PIWIL4: variants seen among roughly 807,000 people sequenced by gnomAD.
PIWIL4 encodes the protein piwi-like protein 4.
Under a neutral mutation model 100.9 loss-of-function variants are expected in PIWIL4, and 50 were observed. The ratio of observed to expected loss-of-function variants is 0.50; its 90% CI spans 0.39 to 0.63. PIWIL4 has a LOEUF of 0.63. Ranked by LOEUF, PIWIL4 falls within the 20% of genes least tolerant of loss-of-function variation. PIWIL4 has a pLI of 0.00. For synonymous variants in PIWIL4, 342 were observed against 367.5 expected (o/e 0.93, Z 0.79); for missense variants, 887 against 1,043.3 (o/e 0.85, Z 2.06).
intron 10 of PIWIL4, among the ~76,000 whole-genome samples, chr11:94,596,998 C>A (rs1457788072): frequency 5.9e-5 from 9 of 152,192 alleles, no homozygotes; most frequent in Non-Finnish European, 1.2e-4. Flanking sequence ...GCCTGGCTTA[C>A]TGTGTGCTGA....
At chr11:94,593,421 T>C in intron 8 of PIWIL4, 97 bp from the exon 9 acceptor site, 1 of 1,246,514 alleles carries the variant, frequency 8.0e-7, no homozygotes, top group South Asian at 1.5e-5. Flanking sequence ...TAGATTTATT[T>C]ATATATTAAT....
intron 13 of PIWIL4, among the ~76,000 whole-genome samples, chr11:94,606,496 AG>A (rs1010424693): frequency 3.4e-4 from 52 of 152,312 alleles, no homozygotes; most frequent in African/African-American, 1.2e-3. Context: ...GATGAGAAGG[AG>A]GCGGAGGTAG....
At position 94,578,501 on chromosome 11, in the gene PIWIL4, C is replaced by T. The variant is rs1948271614; in HGVS notation, c.513+1009C>T. Among the ~76,000 whole-genome samples, 3 of 152,286 alleles carry T rather than the reference C, an allele frequency of 2.0e-5. No individual in the cohort carries two copies. In the South Asian group the frequency reaches 6.2e-4, roughly 32 times the overall value. On this transcript the variant is annotated intron_variant, in intron 4 of 19. Coordinates refer to ENST00000299001, the MANE Select transcript of PIWIL4 (RefSeq NM_152431.3). Reference sequence around the variant, plus strand: ...CTTGCAAATCTGTATAGATGGTCTGCAGCAGGCTTCATCTTCAACATTGTC... The same window carrying T: ...CTTGCAAATCTGTATAGATGGTCTGTAGCAGGCTTCATCTTCAACATTGTC...
Position 94,620,891 on chromosome 11 carries a change from C to T in PIWIL4, c.2458C>T (p.Pro820Ser). The stretch of plus-strand genomic sequence containing the variant: ...TTCTCCTCAGGGCATAGTCAGTGTC[C>T]CAGCACCATGTCAGTATGCTCACAA... ...YYNWPGIVSV[P>S]APCQYAHKLT... The change falls in exon 20 of 20, where the codon CCA becomes TCA. Residue 820 changes from proline (P) to serine (S), a missense_variant. Pro to Ser is a moderately conservative substitution (Grantham distance 74, BLOSUM62 -1). Around this residue, in one of 2 missense-constraint regions of PIWIL4, gnomAD observed 741 missense variants for 930.0 expected, o/e 0.80. Coordinates refer to ENST00000299001, the MANE Select transcript of PIWIL4 (RefSeq NM_152431.3). The T allele has an allele frequency of 1.2e-6, 2 of 1,613,376 alleles. No homozygotes were observed. Among genetic ancestry groups the T allele is most frequent in the Non-Finnish European group, 1.7e-6 (2 of 1,179,612 alleles).
intron 15 of PIWIL4, 90 bp from the exon 16 acceptor site, chr11:94,616,401 CAT>C: frequency 1.8e-6 from 2 of 1,114,128 alleles, no homozygotes; most frequent in South Asian, 1.5e-5. Flanking sequence ...GATTTTTACT[CAT>C]AATCTCTGTT....
intron 11 of PIWIL4, among the ~76,000 whole-genome samples, chr11:94,600,879 A>G (rs1397078742): frequency 6.6e-6 from 1 of 152,038 alleles, no homozygotes; most frequent in Non-Finnish European, 1.5e-5. Context: ...CTTTTGAAAG[A>G]AGAGAAATAT....
chr11:94,593,481 A>C, intron 8 of PIWIL4, 37 bp from the exon 9 acceptor site: 1 of 1,598,614 alleles, frequency 6.3e-7, no homozygotes. Context: ...CGGTGCTTCC[A>C]TGTTAACTTT....
rs544810054 is a variant in PIWIL4, at chr11:94,607,754, C to T, written c.1839+115C>T. 4.4e-6 allele frequency: 5 copies of T among 1,127,558 alleles called. No homozygotes were observed. The African/African-American group carries it at 7.8e-5, about 18-fold the overall frequency. The allele number at this position is 1,127,558 out of a possible 1,614,324, so 69.8% of individuals were successfully genotyped here. The stretch of plus-strand genomic sequence containing the variant: ...TATTTGGTTTGCTTGTTTCTTGAGC[C>T]TTTGCCCTGGGTTCTGGCATTCCAT... On this transcript the variant is annotated intron_variant, in intron 14 of 19. Coordinates refer to ENST00000299001, the MANE Select transcript of PIWIL4 (RefSeq NM_152431.3).
chr11:94,601,659 T>C (rs1296483366), intron 11 of PIWIL4, 136 bp from the exon 12 acceptor site: 2 of 821,264 alleles, frequency 2.4e-6, no homozygotes, highest in Non-Finnish European at 4.0e-6. Flanking sequence ...GTGCAGTGCC[T>C]GCATCTGTGT....
At chr11:94,593,686 C>T (rs747285253) in intron 9 of PIWIL4, 45 bp downstream of exon 9, 15 of 1,596,824 alleles carry the variant, frequency 9.4e-6, no homozygotes, top group Non-Finnish European at 1.3e-5. Flanking sequence ...TGGATACAGG[C>T]CCCTGATGCT....
At chr11:94,583,393 T>G in intron 4 of PIWIL4, 55 bp from the exon 5 acceptor site, 1 of 1,587,406 alleles carries the variant, frequency 6.3e-7, no homozygotes, top group Non-Finnish European at 8.6e-7. Flanking sequence ...TAATCTGCAT[T>G]CTGCACACTT....
intron 4 of PIWIL4, among the ~76,000 whole-genome samples, chr11:94,580,962 G>A (rs181840636): frequency 1.4e-5 from 2 of 140,104 alleles, no homozygotes; most frequent in African/African-American, 2.7e-5. Flanking sequence ...GCAATGGCAT[G>A]ATCTTGATTC....
At chr11:94,597,996 T>C in intron 11 of PIWIL4, 81 bp downstream of exon 11, 1 of 1,056,702 alleles carries the variant, frequency 9.5e-7, no homozygotes, top group Non-Finnish European at 1.4e-6. Context: ...GAGTGGCTTG[T>C]GTGCTTATAA....
At chr11:94,571,051 C>G (rs1948144664) in intron 2 of PIWIL4, among the ~76,000 whole-genome samples, 1 of 152,142 alleles carries the variant, frequency 6.6e-6, no homozygotes, top group African/African-American at 2.4e-5. Flanking sequence ...GTCCCCCCAC[C>G]CATCTCATGT....
At chr11:94,618,248 T>C in intron 17 of PIWIL4, 141 bp downstream of exon 17, 1 of 803,992 alleles carries the variant, frequency 1.2e-6, no homozygotes, top group Admixed American at 3.6e-5. Context: ...CCAGTAGAGC[T>C]CTATCATTTC....
intron 4 of PIWIL4, among the ~76,000 whole-genome samples, chr11:94,583,050 G>T (rs2135252969): frequency 6.6e-6 from 1 of 151,264 alleles, no homozygotes; most frequent in Non-Finnish European, 1.5e-5. Context: ...ATATATGTGT[G>T]TGTGTGTGTG....
At chr11:94,599,918 G>A (rs931890246) in intron 11 of PIWIL4, among the ~76,000 whole-genome samples, 9 of 152,130 alleles carry the variant, frequency 5.9e-5, no homozygotes, top group Admixed American at 1.3e-4. Flanking sequence ...GGTCTCGGGT[G>A]GTGCACAGGA....
chr11:94,610,834 G>T (rs963895530), intron 15 of PIWIL4, among the ~76,000 whole-genome samples: 1 of 152,026 alleles, frequency 6.6e-6, no homozygotes, highest in African/African-American at 2.4e-5. Context: ...TATTTTTGGT[G>T]TCATATTCAG....
At chr11:94,570,179 A>G (rs924202681) in intron 2 of PIWIL4, among the ~76,000 whole-genome samples, 1 of 152,166 alleles carries the variant, frequency 6.6e-6, no homozygotes, top group Admixed American at 6.5e-5. Context: ...AGTCACCACA[A>G]TCACACACTG....
Sources: allele counts gnomAD v4.1 joint callset (sites outside exome capture counted in the v4.1 genomes callset), GRCh38; gene constraint gnomAD v4.1.1; regional missense constraint gnomAD v4.1.1; transcripts MANE v1.5; gene names NCBI Gene and HGNC (gene_info 2026-07-23, HGNC 2026-07-21).